GALM: variants seen among roughly 807,000 people sequenced by gnomAD.
The protein encoded by GALM is aldose 1-epimerase.
Under a neutral mutation model 37.4 loss-of-function variants are expected in GALM, and 43 were observed. The observed-to-expected ratio is 1.15, with a 90% confidence interval of 0.90 to 1.48. The LOEUF (loss-of-function observed/expected upper bound fraction) is 1.48, where lower values mean the gene tolerates loss of function less well. GALM is among the 40% of genes most tolerant of loss of function. GALM has a pLI of 0.00. For missense variants in GALM, 456 were observed against 419.1 expected (o/e 1.09, Z -0.77); for synonymous variants, 199 against 170.6 (o/e 1.17, Z -1.30).
chr2:38,722,030 T>TCCCCCCCCCCCCCCCCCCCCCCCCCCCC (rs1491365976), intron 4 of GALM, among the ~76,000 whole-genome samples: 1 of 41,386 alleles, frequency 2.4e-5, no homozygotes, highest in African/African-American at 9.9e-5. Context: ...TGCCTTCCCT[T>TCCCCCCCCCCCCCCCCCCCCCCCCCCCC]CCCCCCCCCA....
intron 4 of GALM, among the ~76,000 whole-genome samples, chr2:38,700,405 G>A (rs1558587740): frequency 6.6e-6 from 1 of 152,014 alleles, no homozygotes; most frequent in African/African-American, 2.4e-5. Flanking sequence ...TATGTATCTG[G>A]GCGCTCCAGT....
At chr2:38,717,018 A>C (rs990852180) in intron 4 of GALM, among the ~76,000 whole-genome samples, 5 of 152,324 alleles carry the variant, frequency 3.3e-5, no homozygotes, top group African/African-American at 9.6e-5. Flanking sequence ...TGGGAGGCCG[A>C]GGCAGGCGGA....
chr2:38,716,402 C>T (rs568055177), intron 4 of GALM, among the ~76,000 whole-genome samples: 42 of 152,328 alleles, frequency 2.8e-4, no homozygotes, highest in Middle Eastern at 3.4e-3. Flanking sequence ...GGTTATGTGA[C>T]TGTGAGATTC....
At chr2:38,666,392 C>A (rs777783814) in intron 1 of GALM, 41 bp downstream of exon 1, 40 of 1,470,032 alleles carry the variant, frequency 2.7e-5, no homozygotes, top group Admixed American at 3.8e-5. Context: ...AGGCCCCAGG[C>A]CCACGCTACA....
chr2:38,680,144 G>A (rs1044766119), intron 2 of GALM: 20 of 434,388 alleles, frequency 4.6e-5, no homozygotes, highest in Admixed American at 3.1e-4. Context: ...TCAGCCTCCC[G>A]AGTAGCTAGG....
chr2:38,672,860 T>A (rs1572509380), intron 1 of GALM, among the ~76,000 whole-genome samples: 2 of 150,418 alleles, frequency 1.3e-5, no homozygotes. Flanking sequence ...AAAAAAAAAA[T>A]TTAGCTGGGC....
chr2:38,710,563 G>A (rs1666128084), intron 4 of GALM, among the ~76,000 whole-genome samples: 1 of 152,166 alleles, frequency 6.6e-6, no homozygotes, highest in South Asian at 2.1e-4. Context: ...CAGGTCCTCT[G>A]GCTATTATTT....
chr2:38,714,872 C>T (rs1399105991), intron 4 of GALM, among the ~76,000 whole-genome samples: 1 of 152,160 alleles, frequency 6.6e-6, no homozygotes, highest in African/African-American at 2.4e-5. Flanking sequence ...GTTGTAGGTT[C>T]ATTTGGTCTA....
chr2:38,703,867 C>G (rs1221296776), intron 4 of GALM, among the ~76,000 whole-genome samples: 1 of 151,868 alleles, frequency 6.6e-6, no homozygotes, highest in African/African-American at 2.4e-5. Flanking sequence ...CAAAAACAAT[C>G]AGCTGGGTGT....
At chr2:38,672,413 G>C (rs549483802) in intron 1 of GALM, among the ~76,000 whole-genome samples, 1 of 152,326 alleles carries the variant, frequency 6.6e-6, no homozygotes, top group Non-Finnish European at 1.5e-5. Context: ...CAGTGTATGG[G>C]CTTTTAAAGC....
intron 1 of GALM, among the ~76,000 whole-genome samples, chr2:38,675,526 GTTTTTTTTTTTTT>G (rs869119386): frequency 5.4e-5 from 4 of 74,622 alleles, no homozygotes; most frequent in Non-Finnish European, 7.4e-5. Context: ...GGGTTTTTTT[GTTTTTTTTTTTTT>G]TTTTTGTGTG....
rs779000889 is a variant in GALM at position 38,681,477 on chromosome 2, G to C, written c.543G>C (p.Leu181=). The change falls in exon 3 of 7, where the codon CTG becomes CTC. Residue 181 remains leucine (L), a synonymous_variant. Coordinates refer to ENST00000272252, the MANE Select transcript of GALM (RefSeq NM_138801.3). ...TGACCAACCATTCTTACTTCAACCT[G>C]GCAGGCCAGGTAAGTGAACTTGTTT... The part of the protein sequence containing the change: ...VNLTNHSYFN[L]AGQASPNIND... The C allele has an allele frequency of 6.2e-7, 1 of 1,613,706 alleles. No individual in the cohort carries two copies. The highest frequency in any genetic ancestry group is 8.5e-7 in the Non-Finnish European group (1 of 1,179,650).
At chr2:38,667,135 G>A (rs1273219416) in intron 1 of GALM, among the ~76,000 whole-genome samples, 1 of 152,162 alleles carries the variant, frequency 6.6e-6, no homozygotes, top group Non-Finnish European at 1.5e-5. Context: ...TGCAGCAAAG[G>A]AAAATGTACA....
chr2:38,685,507 C>T (rs950797324), intron 3 of GALM, among the ~76,000 whole-genome samples: 3 of 152,128 alleles, frequency 2.0e-5, no homozygotes, highest in Non-Finnish European at 2.9e-5. Context: ...GTTAATGTTA[C>T]AAACAGGTAG....
At chr2:38,726,118 T>C (rs529339799) in intron 4 of GALM, among the ~76,000 whole-genome samples, 1 of 152,292 alleles carries the variant, frequency 6.6e-6, no homozygotes, top group East Asian at 1.9e-4. Flanking sequence ...AAAGTTCAAC[T>C]ATGAATTCTG....
chr2:38,698,366 G>GCCC, intron 4 of GALM: 1 of 1,304,416 alleles, frequency 7.7e-7, no homozygotes, highest in African/African-American at 1.5e-5. Context: ...CCCATGGCAG[G>GCCC]TGGCACCAAC....
In GALM at chr2:38,676,055, G is replaced by A. The variant is rs139383190; in HGVS notation, c.334G>A (p.Gly112Arg). The A allele has an allele frequency of 5.0e-6, 8 of 1,613,960 alleles. No homozygotes were observed. Among genetic ancestry groups the A allele is most frequent in the Non-Finnish European group, 5.1e-6 (6 of 1,180,020 alleles). ...CAACAGTCTGCATGGAGGAGTCAGAGGGTTTGATAAAGTAAGTACGGCACA... is the reference window on the plus strand; with the variant it reads ...CAACAGTCTGCATGGAGGAGTCAGAAGGTTTGATAAAGTAAGTACGGCACA... ...EPNSLHGGVRGFDKVLWTPRV... is the reference protein window; with the variant it reads ...EPNSLHGGVRRFDKVLWTPRV... The change falls in exon 2 of 7, where the codon GGG (glycine) becomes AGG (arginine). Residue 112 changes from glycine to arginine, a missense_variant. Physicochemically the swap from Gly to Arg is moderately radical, Grantham distance 125. Transcript: ENST00000272252.
chr2:38,695,469 G>A (rs1365656755), intron 4 of GALM, among the ~76,000 whole-genome samples: 4 of 152,194 alleles, frequency 2.6e-5, no homozygotes, highest in African/African-American at 7.2e-5. Context: ...TAATGAGTTC[G>A]TTTTAGACCC....
At chr2:38,692,411 C>G (rs985868517) in intron 4 of GALM, among the ~76,000 whole-genome samples, 6 of 152,130 alleles carry the variant, frequency 3.9e-5, no homozygotes, top group Non-Finnish European at 5.9e-5. Flanking sequence ...CAGATTTTCT[C>G]TCTTTTTTTC....
Sources: gnomAD v4.1 joint callset for allele counts (sites outside exome capture counted in the v4.1 genomes callset) on GRCh38, gnomAD v4.1.1 for gene constraint, MANE v1.5 for transcripts, NCBI Gene and HGNC (gene_info 2026-07-23, HGNC 2026-07-21) for gene names.